Variants in C21orf58 observed in about 807,000 individuals in gnomAD.
C21orf58 encodes uncharacterized protein C21orf58.
A neutral mutation model predicts 35.8 loss-of-function variants in C21orf58; 34 were observed. That is an observed-to-expected ratio of 0.95 (90% CI 0.72 to 1.26). C21orf58 has a LOEUF of 1.26. Ranked by LOEUF, C21orf58 falls within the 50% of genes most tolerant of loss-of-function variation. The pLI, the probability that C21orf58 is intolerant of heterozygous loss-of-function variation, is 0.00. For synonymous variants in C21orf58, 191 were observed against 175.8 expected (o/e 1.09, Z -0.68); for missense variants, 440 against 414.3 (o/e 1.06, Z -0.54).
At position 46,303,743 on chromosome 21, in the gene C21orf58, ATATTTTTTTTTTTTTT is replaced by A. The variant is rs1218615075; in HGVS notation, c.722-1183_722-1168del. On this transcript the variant is annotated intron_variant, in intron 6 of 7. Transcript: ENST00000291691. ...TATATATATATATATATATATATATATATTTTTTTTTTTTTTTTTTTTTTTGGAGACAGAGTCTTGC... is the reference window on the plus strand; with the variant it reads ...TATATATATATATATATATATATATATTTTTTTTTGGAGACAGAGTCTTGC... Among the ~76,000 whole-genome samples, 82 of 19,598 alleles carry A rather than the reference ATATTTTTTTTTTTTTT, an allele frequency of 4.2e-3. 2 individuals carry two copies. The highest frequency in any genetic ancestry group is 0.014 in the African/African-American group (69 of 4,940). 12.9% of individuals were successfully genotyped at this position (19,598 alleles called of 152,430 possible). A position where few individuals can be genotyped will look rare whatever the true frequency, so the allele number is the denominator to read the frequency against.
chr21:46,308,195 G>C (rs1452540982), intron 6 of C21orf58, among the ~76,000 whole-genome samples: 1 of 152,136 alleles, frequency 6.6e-6, no homozygotes, highest in Non-Finnish European at 1.5e-5. Flanking sequence ...AGGCGCGGTG[G>C]CTCACGCCCA....
intron 3 of C21orf58, 35 bp from the exon 4 acceptor site, chr21:46,315,582 G>A (rs575376842): frequency 3.4e-5 from 49 of 1,421,954 alleles, no homozygotes; most frequent in South Asian, 1.8e-4. Flanking sequence ...ACCAAGGAAC[G>A]CGTAGAGGCT....
intron 1 of C21orf58, chr21:46,318,435 GGCA>G (rs1459093524): frequency 7.0e-7 from 1 of 1,423,766 alleles, no homozygotes; most frequent in Non-Finnish European, 9.1e-7. Context: ...CAAAAAAGTG[GGCA>G]GCAGCTGAGG....
In C21orf58 at chr21:46,311,505, A is replaced by G; in HGVS notation, c.672T>C (p.Ile224=). ...QLPQQPLIAQ[I]PPPQAFPTQR... ...GAGTAGGGAAGGCCTGGGGAGGAGG[A>G]ATCTGTGCTATGAGTGGCTGCTGAG... Residue 224 remains isoleucine, a synonymous_variant, in exon 6 of 8, where the codon ATT becomes ATC. Coordinates refer to ENST00000291691, the MANE Select transcript of C21orf58 (RefSeq NM_058180.5). 1 of 1,612,494 alleles carries G rather than the reference A, an allele frequency of 6.2e-7. No individual in the cohort carries two copies. The highest frequency in any genetic ancestry group is 1.1e-5 in the South Asian group (1 of 90,488).
chr21:46,318,510 C>T (rs2083057835), intron 1 of C21orf58: 2 of 1,310,850 alleles, frequency 1.5e-6, no homozygotes, highest in Non-Finnish European at 2.0e-6. Flanking sequence ...GCACCACCAG[C>T]CTCAGGACCC....
At position 46,304,747 on chromosome 21, in the gene C21orf58, C is replaced by T. The variant is rs149106815; in HGVS notation, c.722-2171G>A. ...CACAGCCATTTCTGTCCTAGGCATG[C>T]GTTCCATTAGAGGGCAAAAAGGACT... On this transcript the variant is annotated intron_variant, in intron 6 of 7. Transcript: ENST00000291691. Among the ~76,000 whole-genome samples the T allele has an allele frequency of 2.8e-4, 42 of 152,222 alleles. No individual in the cohort carries two copies. In the East Asian group the frequency reaches 7.9e-3, roughly 29 times the overall value.
intron 1 of C21orf58, among the ~76,000 whole-genome samples, chr21:46,321,456 G>C (rs1179559971): frequency 6.6e-6 from 1 of 152,206 alleles, no homozygotes; most frequent in Non-Finnish European, 1.5e-5. Context: ...TGTCCCTAAT[G>C]TGGTATCCAT....
intron 5 of C21orf58, 123 bp from the exon 6 acceptor site, chr21:46,311,690 T>TCCAACCAACCAA (rs1181867167): frequency 1.1e-5 from 5 of 475,504 alleles, no homozygotes; most frequent in Non-Finnish European, 1.9e-5. Context: ...CACCCATCCA[T>TCCAACCAACCAA]CCAACCAACC....
chr21:46,311,637 A>G (rs2082694635), intron 5 of C21orf58, 70 bp from the exon 6 acceptor site: 2 of 852,968 alleles, frequency 2.3e-6, no homozygotes, highest in African/African-American at 3.4e-5. Context: ...TCTACCACCC[A>G]TCCATCCACC....
chr21:46,318,265 C>A, intron 1 of C21orf58, 45 bp from the exon 2 acceptor site: 1 of 1,606,714 alleles, frequency 6.2e-7, no homozygotes, highest in South Asian at 1.1e-5. Context: ...CACACCCTCC[C>A]TGGACTGCAG....
At chr21:46,312,956 T>C (rs959780102) in intron 5 of C21orf58, 2 of 980,560 alleles carry the variant, frequency 2.0e-6, no homozygotes, top group Non-Finnish European at 2.4e-6. Context: ...AAATAAATTA[T>C]AGCCAAATAT....
In C21orf58 at chr21:46,314,813, C is replaced by G; in HGVS notation, c.512G>C (p.Gly171Ala). 6.5e-7 allele frequency: 1 copy of G among 1,548,078 alleles called. No homozygotes were observed. Among genetic ancestry groups the G allele is most frequent in the Non-Finnish European group, 8.7e-7 (1 of 1,145,310 alleles). The change falls in exon 5 of 8, where the codon GGG (glycine) becomes GCG (alanine). Residue 171 changes from glycine (G) to alanine (A), a missense_variant. Transcript: ENST00000291691. The part of the protein sequence containing the change: ...AWSGPSRGAL[G>A]SALPPELPPT... The stretch of plus-strand genomic sequence containing the variant: ...GGGCAGCTCTGGGGGCAGGGCTGAC[C>G]CGAGGGCTCCTCTGCTTGGCCCGCT...
In C21orf58 at chr21:46,314,760, G is replaced by C. The variant is rs753652870; in HGVS notation, c.565C>G (p.Pro189Ala). 5 of 1,510,260 alleles carry C rather than the reference G, an allele frequency of 3.3e-6. No homozygotes were observed. The highest frequency in any genetic ancestry group is 3.6e-6 in the Non-Finnish European group (4 of 1,122,060). 93.6% of individuals were successfully genotyped at this position (1,510,260 alleles called of 1,614,324 possible). ...GGCGGGTCTGGGGCCAGCGGGGATGGGGAGGCAGTGGGTAGGATGCCCGTG... is the reference window on the plus strand; with the variant it reads ...GGCGGGTCTGGGGCCAGCGGGGATGCGGAGGCAGTGGGTAGGATGCCCGTG... Reference protein sequence around the residue: ...PPTGILPTASPSPLAPDPPRI... With the variant: ...PPTGILPTASASPLAPDPPRI... The change falls in exon 5 of 8, where the codon CCA becomes GCA. Residue 189 changes from proline to alanine, a missense_variant. Pro to Ala is a conservative substitution (Grantham distance 27). Coordinates refer to ENST00000291691, the MANE Select transcript of C21orf58 (RefSeq NM_058180.5).
chr21:46,308,994 C>T (rs1198459607), intron 6 of C21orf58, among the ~76,000 whole-genome samples: 1 of 152,144 alleles, frequency 6.6e-6, no homozygotes, highest in African/African-American at 2.4e-5. Flanking sequence ...GTCTCTATAA[C>T]TGTAAGAAAT....
In C21orf58 at chr21:46,303,718, TA is replaced by T. The variant is rs2082243055; in HGVS notation, c.722-1143del. Among the ~76,000 whole-genome samples, 2 of 19,512 alleles carry T rather than the reference TA, an allele frequency of 1.0e-4. 1 individual carries two copies. Among genetic ancestry groups the T allele is most frequent in the Admixed American group, 1.2e-3 (2 of 1,620 alleles). 12.8% of individuals were successfully genotyped at this position (19,512 alleles called of 152,430 possible). A position where few individuals can be genotyped will look rare whatever the true frequency, so the allele number is the denominator to read the frequency against. On this transcript the variant is annotated intron_variant, in intron 6 of 7. Coordinates refer to ENST00000291691, the MANE Select transcript of C21orf58 (RefSeq NM_058180.5). Reference sequence around the variant, plus strand: ...CACACACACACACAAAATATATATATATATATATATATATATATATATATAT... The same window carrying T: ...CACACACACACACAAAATATATATATTATATATATATATATATATATATAT...
intron 1 of C21orf58, 59 bp downstream of exon 1, chr21:46,322,580 T>C (rs1295033763): frequency 1.2e-5 from 17 of 1,415,776 alleles, no homozygotes; most frequent in African/African-American, 1.5e-5. Flanking sequence ...GCCCAGAGTT[T>C]GCTCAAACCA....
At chr21:46,302,230 G>A in intron 7 of C21orf58, 76 bp from the exon 8 acceptor site, 1 of 1,431,816 alleles carries the variant, frequency 7.0e-7, no homozygotes. Flanking sequence ...GTTCCTAACT[G>A]GGGCTGGATC....
chr21:46,306,481 G>C (rs2082423872), intron 6 of C21orf58, among the ~76,000 whole-genome samples: 1 of 152,040 alleles, frequency 6.6e-6, no homozygotes, highest in African/African-American at 2.4e-5. Context: ...CCTGGCAACA[G>C]AGCGACACTC....
intron 1 of C21orf58, among the ~76,000 whole-genome samples, chr21:46,320,379 G>A (rs1431579898): frequency 6.6e-6 from 1 of 151,890 alleles, no homozygotes; most frequent in Admixed American, 6.6e-5. Context: ...TAGGATTAGA[G>A]GTGTGAGCCA....
Sources: allele counts gnomAD v4.1 joint callset (sites outside exome capture counted in the v4.1 genomes callset), GRCh38; gene constraint gnomAD v4.1.1; transcripts MANE v1.5; gene names NCBI Gene and HGNC (gene_info 2026-07-23, HGNC 2026-07-21).